PTPRA: variants seen among roughly 807,000 people sequenced by gnomAD.
The protein encoded by PTPRA is receptor-type tyrosine-protein phosphatase alpha.
In PTPRA, 25 loss-of-function variants were observed where a neutral mutation model predicts 104.8. That is an observed-to-expected ratio of 0.24 (90% CI 0.17 to 0.33). The LOEUF is 0.33. Among genes scored for constraint, PTPRA ranks in the 10% least tolerant of loss-of-function variants. The pLI is 1.00. For synonymous variants in PTPRA, 323 were observed against 368.9 expected (o/e 0.88, Z 1.43); for missense variants, 765 against 1,015.3 (o/e 0.75, Z 3.35).
intron 1 of PTPRA, among the ~76,000 whole-genome samples, chr20:2,909,281 C>T (rs1262758645): frequency 6.6e-6 from 1 of 152,008 alleles, no homozygotes; most frequent in Non-Finnish European, 1.5e-5. Context: ...GGAGCGAAAT[C>T]CTGTCTCAAA....
In PTPRA at chr20:3,035,687, G is replaced by T. The variant is rs140864103; in HGVS notation, c.2023G>T (p.Asp675Tyr). 72 of 1,614,194 alleles carry T rather than the reference G, an allele frequency of 4.5e-5. No individual in the cohort carries two copies. In the African/African-American group the frequency reaches 8.4e-4, roughly 19 times the overall value. The change falls in exon 21 of 24, where the codon GAC (aspartate) becomes TAC (tyrosine). Residue 675 changes from aspartate (D) to tyrosine (Y), a missense_variant. Around this residue, in one of 4 missense-constraint regions of PTPRA, gnomAD observed 192 missense variants for 227.0 expected, o/e 0.85. Transcript: ENST00000399903. This position sits in a 1 kb window ranked among gnomAD's most constrained non-coding sequence, Gnocchi z 5.8. ...EEECESYTVR[D>Y]LLVTNTRENK... is the part of the protein sequence containing the mutation. ...GGAATGTGAGAGCTACACCGTCCGA[G>T]ACCTCCTGGTCACCAACACCAGGGT...
intron 1 of PTPRA, among the ~76,000 whole-genome samples, chr20:2,885,043 C>T (rs999947653): frequency 3.7e-4 from 57 of 152,030 alleles, no homozygotes; most frequent in African/African-American, 1.3e-3. Flanking sequence ...CCTCGTGATC[C>T]GCCCGCCTCG....
chr20:2,974,110 C>G (rs905945835), intron 5 of PTPRA, among the ~76,000 whole-genome samples: 17 of 151,854 alleles, frequency 1.1e-4, no homozygotes, highest in African/African-American at 3.9e-4. Flanking sequence ...ACCACCACGC[C>G]TGGCTAATTT....
chr20:2,901,927 C>A (rs2059252892), intron 1 of PTPRA, among the ~76,000 whole-genome samples: 1 of 151,734 alleles, frequency 6.6e-6, no homozygotes, highest in Admixed American at 6.6e-5. Flanking sequence ...GCTCTGTCAC[C>A]CAGGCTAGAG....
In PTPRA at chr20:2,914,499, T is replaced by TA. The variant is rs2147266509; in HGVS notation, c.-128-8707dup. ...TGTGTGTACTGTGAGTTCACACTGG[T>TA]ACCTAGTACCTCAACACCTCAGAGT... On this transcript the variant is annotated intron_variant, in intron 1 of 23. Transcript: ENST00000399903. 1.3e-5 allele frequency among the ~76,000 whole-genome samples: 2 copies of TA among 151,692 alleles called. 1 individual carries two copies. Among genetic ancestry groups the TA allele is most frequent in the South Asian group, 4.2e-4 (2 of 4,792 alleles).
chr20:3,027,042 G>A, intron 18 of PTPRA, 79 bp from the exon 19 acceptor site: 1 of 1,269,294 alleles, frequency 7.9e-7, no homozygotes, highest in Non-Finnish European at 1.1e-6. Flanking sequence ...GTCTGCCCAG[G>A]GCCTGAGGTG....
chr20:2,961,783 T>C (rs1270000755), intron 3 of PTPRA, among the ~76,000 whole-genome samples: 1 of 152,230 alleles, frequency 6.6e-6, no homozygotes. Flanking sequence ...TTAGTTAAAT[T>C]TTTGTGAAAG....
At chr20:2,975,866 T>G (rs908882107) in intron 6 of PTPRA, among the ~76,000 whole-genome samples, 3 of 152,220 alleles carry the variant, frequency 2.0e-5, no homozygotes, top group African/African-American at 7.2e-5. Context: ...TCTAACATTC[T>G]AAGAAGTGAT....
chr20:3,018,208 TTG>T (rs1163781352), intron 13 of PTPRA, among the ~76,000 whole-genome samples: 3 of 152,040 alleles, frequency 2.0e-5, no homozygotes, highest in Non-Finnish European at 4.4e-5. Context: ...GGGGTTTTTT[TTG>T]TTGTTGTTTT....
rs1295858880 is a variant in PTPRA, at chr20:2,988,491, G to A, written c.738+17G>A. On this transcript the variant is annotated intron_variant, in intron 9 of 23. Coordinates refer to ENST00000399903, the MANE Select transcript of PTPRA (RefSeq NM_001385305.1). ...GAATTCAACGTGAGTACTTTGTTGA[G>A]GCTGGTGTATCAGCAGGGAAGAAGG... 4 of 1,610,308 alleles carry A rather than the reference G, an allele frequency of 2.5e-6. No individual in the cohort carries two copies. Among genetic ancestry groups the A allele is most frequent in the Non-Finnish European group, 3.4e-6 (4 of 1,179,194 alleles).
chr20:3,004,260 C>T (rs2063760184), intron 9 of PTPRA, among the ~76,000 whole-genome samples: 1 of 152,154 alleles, frequency 6.6e-6, no homozygotes, highest in Non-Finnish European at 1.5e-5. Context: ...TCAGGTGATC[C>T]ACCCGCCTCA....
intron 5 of PTPRA, among the ~76,000 whole-genome samples, chr20:2,974,018 C>T (rs1234331100): frequency 2.1e-5 from 3 of 145,052 alleles, no homozygotes; most frequent in Non-Finnish European, 3.0e-5. Context: ...GTGGCGTGAT[C>T]TCTGCTCACC....
chr20:2,890,811 C>G (rs1360176222), intron 1 of PTPRA, among the ~76,000 whole-genome samples: 1 of 152,194 alleles, frequency 6.6e-6, no homozygotes, highest in Admixed American at 6.5e-5. Context: ...TTGACCACTC[C>G]TTGTTTGAGT....
At chr20:2,922,787 A>G (rs1294206417) in intron 1 of PTPRA, among the ~76,000 whole-genome samples, 1 of 151,712 alleles carries the variant, frequency 6.6e-6, no homozygotes, top group Non-Finnish European at 1.5e-5. Context: ...GATGCGTGCC[A>G]CCATGCCCAG....
In PTPRA at chr20:3,037,389, G is replaced by C; in HGVS notation, c.2334+100G>C. 5.9e-6 allele frequency: 9 copies of C among 1,527,900 alleles called. No individual in the cohort carries two copies. The highest frequency in any genetic ancestry group is 7.9e-6 in the Non-Finnish European group (9 of 1,137,162). The allele number at this position is 1,527,900 out of a possible 1,614,324, so 94.6% of individuals were successfully genotyped here. On this transcript the variant is annotated intron_variant, in intron 23 of 23. Coordinates refer to ENST00000399903, the MANE Select transcript of PTPRA (RefSeq NM_001385305.1). The surrounding 1 kb of genome is among the most constrained non-coding windows in gnomAD (Gnocchi z 4.3). ...GGGCCCACCCAGTAGTCAGAAGACT[G>C]TCTAAACACAGACCTGCCCTTGCCC...
intron 1 of PTPRA, among the ~76,000 whole-genome samples, chr20:2,914,400 C>T (rs2059824664): frequency 6.6e-6 from 1 of 152,046 alleles, no homozygotes. Context: ...TATACATACA[C>T]AAACATACAT....
chr20:2,896,886 T>C (rs368415814), intron 1 of PTPRA, among the ~76,000 whole-genome samples: 13 of 152,360 alleles, frequency 8.5e-5, no homozygotes, highest in South Asian at 8.3e-4. Context: ...GTTCAGTCTC[T>C]TTTAATCTAG....
chr20:2,943,213 A>ACCACC (rs746162600), intron 2 of PTPRA, among the ~76,000 whole-genome samples: 7 of 116,520 alleles, frequency 6.0e-5, no homozygotes, highest in African/African-American at 2.4e-4. Flanking sequence ...ATATCCCCCC[A>ACCACC]CCCCCCCCCC....
intron 2 of PTPRA, among the ~76,000 whole-genome samples, chr20:2,944,553 T>C (rs2061053154): frequency 1.3e-5 from 2 of 152,224 alleles, no homozygotes; most frequent in Admixed American, 1.3e-4. Flanking sequence ...TCTTGAGGTA[T>C]CAACTTGGAA....
Sources: gnomAD v4.1 joint callset for allele counts (sites outside exome capture counted in the v4.1 genomes callset) on GRCh38, gnomAD v4.1.1 for gene constraint, gnomAD v4.1.1 regional missense constraint, Gnocchi (gnomAD v3.1) non-coding constraint, MANE v1.5 for transcripts, NCBI Gene and HGNC (gene_info 2026-07-23, HGNC 2026-07-21) for gene names.